ADAMTS12: variants seen among roughly 807,000 people sequenced by gnomAD.
ADAMTS12 encodes A disintegrin and metalloproteinase with thrombospondin motifs 12.
In ADAMTS12, 118 loss-of-function variants were observed where a neutral mutation model predicts 167.8. That is an observed-to-expected ratio of 0.70 (90% CI 0.61 to 0.82). The LOEUF is 0.82. Among genes scored for constraint, ADAMTS12 ranks in the 40% least tolerant of loss-of-function variants. The pLI, the probability that ADAMTS12 is intolerant of heterozygous loss-of-function variation, is 0.00. For missense variants in ADAMTS12, 1,916 were observed against 1,998.8 expected (o/e 0.96, Z 0.79); for synonymous variants, 704 against 716.9 (o/e 0.98, Z 0.29).
At chr5:33,562,805 T>C (rs1484749766) in intron 19 of ADAMTS12, among the ~76,000 whole-genome samples, 4 of 152,118 alleles carry the variant, frequency 2.6e-5, no homozygotes, top group African/African-American at 9.7e-5. Context: ...CTAACTTTTG[T>C]ATATTTAGTA....
At chr5:33,708,351 G>C (rs1042792511) in intron 3 of ADAMTS12, among the ~76,000 whole-genome samples, 7 of 152,108 alleles carry the variant, frequency 4.6e-5, no homozygotes, top group Non-Finnish European at 1.0e-4. Context: ...GTTGGTGGGA[G>C]AGTAAATTAG....
intron 2 of ADAMTS12, among the ~76,000 whole-genome samples, chr5:33,850,403 A>G (rs1749178964): frequency 6.6e-6 from 1 of 152,152 alleles, no homozygotes; most frequent in African/African-American, 2.4e-5. Flanking sequence ...GCACTATGCT[A>G]AGTGCTACAC....
intron 2 of ADAMTS12, among the ~76,000 whole-genome samples, chr5:33,804,154 C>CA (rs1747126519): frequency 6.6e-6 from 1 of 152,146 alleles, no homozygotes; most frequent in Admixed American, 6.5e-5. Flanking sequence ...AAAACTGCTC[C>CA]AAAATACATT....
At chr5:33,623,262 G>A (rs142858060) in intron 14 of ADAMTS12, among the ~76,000 whole-genome samples, 1 of 152,228 alleles carries the variant, frequency 6.6e-6, no homozygotes, top group African/African-American at 2.4e-5. Flanking sequence ...TCTCCCCTCA[G>A]GCCCTACTGC....
chr5:33,819,377 A>G (rs1400014010), intron 2 of ADAMTS12, among the ~76,000 whole-genome samples: 3 of 151,982 alleles, frequency 2.0e-5, no homozygotes, highest in Non-Finnish European at 2.9e-5. Flanking sequence ...GTTAAAAATT[A>G]GTTGGTTAGG....
intron 13 of ADAMTS12, among the ~76,000 whole-genome samples, chr5:33,626,978 AATG>A (rs1389229762): frequency 2.3e-5 from 3 of 132,752 alleles, no homozygotes; most frequent in African/African-American, 8.7e-5. Context: ...TGGTAGTGGT[AATG>A]ATGATTTGAT....
chr5:33,757,826 A>G (rs967123390), intron 2 of ADAMTS12, among the ~76,000 whole-genome samples: 2 of 152,186 alleles, frequency 1.3e-5, no homozygotes, highest in African/African-American at 4.8e-5. Flanking sequence ...ACTATCAGAG[A>G]CACTATACGT....
At position 33,691,732 on chromosome 5, in the gene ADAMTS12, C is replaced by A. The variant is rs182738228; in HGVS notation, c.635-7677G>T. 2.8e-4 allele frequency among the ~76,000 whole-genome samples: 43 copies of A among 152,302 alleles called. 1 individual carries two copies. Among genetic ancestry groups the A allele is most frequent in the Admixed American group, 2.4e-3 (37 of 15,304 alleles). ...AGGACCTTCCAAAGACAAGACCATG[C>A]TGGAACTCCGTGTCTACCTCCTTCC... On this transcript the variant is annotated intron_variant, in intron 3 of 23. Coordinates refer to ENST00000504830, the MANE Select transcript of ADAMTS12 (RefSeq NM_030955.4).
intron 3 of ADAMTS12, among the ~76,000 whole-genome samples, chr5:33,748,869 G>A (rs1476427442): frequency 6.6e-6 from 1 of 152,124 alleles, no homozygotes; most frequent in Non-Finnish European, 1.5e-5. Context: ...GCAAGGCCAA[G>A]AACATTTCAT....
chr5:33,879,254 T>A (rs1388389471), intron 2 of ADAMTS12, among the ~76,000 whole-genome samples: 1 of 152,016 alleles, frequency 6.6e-6, no homozygotes, highest in Non-Finnish European at 1.5e-5. Context: ...AGGTCTGAAG[T>A]GCAGCCCATG....
chr5:33,717,788 C>G (rs1215643543), intron 3 of ADAMTS12, among the ~76,000 whole-genome samples: 1 of 152,110 alleles, frequency 6.6e-6, no homozygotes, highest in Non-Finnish European at 1.5e-5. Flanking sequence ...TGAACAATAA[C>G]TGATGAATAT....
At chr5:33,604,547 C>A (rs13172981) in intron 16 of ADAMTS12, among the ~76,000 whole-genome samples, 8 of 148,946 alleles carry the variant, frequency 5.4e-5, no homozygotes, top group African/African-American at 2.0e-4. Flanking sequence ...AACAACCCCC[C>A]ACCACCCCCC....
intron 3 of ADAMTS12, among the ~76,000 whole-genome samples, chr5:33,703,904 AAG>A (rs1251204069): frequency 6.6e-6 from 1 of 152,238 alleles, no homozygotes; most frequent in Non-Finnish European, 1.5e-5. Context: ...GAAATCAGGA[AAG>A]AGAGCAATAA....
intron 3 of ADAMTS12, among the ~76,000 whole-genome samples, chr5:33,707,126 G>A (rs190998386): frequency 4.6e-5 from 7 of 152,184 alleles, no homozygotes; most frequent in Admixed American, 2.6e-4. Context: ...CAAAATCAAC[G>A]TGCAAAAATC....
chr5:33,818,689 T>C (rs1747755991), intron 2 of ADAMTS12, among the ~76,000 whole-genome samples: 1 of 152,134 alleles, frequency 6.6e-6, no homozygotes, highest in Admixed American at 6.6e-5. Context: ...TGTACCAATC[T>C]ACATTTCCAC....
chr5:33,850,730 AAGAG>A (rs907087520), intron 2 of ADAMTS12, among the ~76,000 whole-genome samples: 1 of 152,166 alleles, frequency 6.6e-6, no homozygotes, highest in Non-Finnish European at 1.5e-5. Flanking sequence ...TCAAAGGTCA[AAGAG>A]AGAGTTTTTT....
intron 3 of ADAMTS12, among the ~76,000 whole-genome samples, chr5:33,709,912 T>C (rs1000629471): frequency 6.6e-6 from 1 of 151,988 alleles, no homozygotes; most frequent in Non-Finnish European, 1.5e-5. Context: ...GAAAATAACA[T>C]ATAAAAATAA....
intron 2 of ADAMTS12, among the ~76,000 whole-genome samples, chr5:33,784,911 C>T (rs1451464431): frequency 1.3e-5 from 2 of 152,042 alleles, no homozygotes; most frequent in Non-Finnish European, 2.9e-5. Flanking sequence ...ACTTTCAGTA[C>T]CTAATTTCAA....
intron 3 of ADAMTS12, among the ~76,000 whole-genome samples, chr5:33,744,131 TAAGCAG>T (rs1332428000): frequency 6.6e-6 from 1 of 152,206 alleles, no homozygotes; most frequent in Admixed American, 6.5e-5. Flanking sequence ...CCCCTGGGCA[TAAGCAG>T]ACATGATTCC....
Sources: allele counts gnomAD v4.1 joint callset (sites outside exome capture counted in the v4.1 genomes callset), GRCh38; gene constraint gnomAD v4.1.1; transcripts MANE v1.5; gene names NCBI Gene and HGNC (gene_info 2026-07-23, HGNC 2026-07-21).